The following LRRC7 variants were observed in gnomAD, a reference collection of about 807,000 sequenced individuals.
LRRC7 encodes leucine rich repeat containing 7.
Under a neutral mutation model 175.7 loss-of-function variants are expected in LRRC7, and 23 were observed. The ratio of observed to expected loss-of-function variants is 0.13; its 90% CI spans 0.09 to 0.19. The LOEUF is 0.19. Ranked by LOEUF, LRRC7 falls within the 10% of genes least tolerant of loss-of-function variation. LRRC7 has a pLI of 1.00. For missense variants in LRRC7, 1,354 were observed against 1,904.7 expected, an observed-to-expected ratio of 0.71 and a Z score of 5.38; for synonymous variants, 685 against 680.9, an observed-to-expected ratio of 1.01 and a Z score of -0.09.
At chr1:69,671,918 G>C (rs1659134612) in intron 1 of LRRC7, among the ~76,000 whole-genome samples, 1 of 152,134 alleles carries the variant, frequency 6.6e-6, no homozygotes, top group Non-Finnish European at 1.5e-5. Context: ...ACTCTTTCCT[G>C]CCCTCTTCAA....
At chr1:69,658,572 C>G (rs770259943) in intron 1 of LRRC7, among the ~76,000 whole-genome samples, 1 of 151,564 alleles carries the variant, frequency 6.6e-6, no homozygotes, top group Non-Finnish European at 1.5e-5. Context: ...GTCTTGGAGT[C>G]GGGAAATAAA....
In LRRC7 at chr1:69,730,730, A is replaced by T. The variant is rs938059274; in HGVS notation, c.101-29461A>T. The stretch of plus-strand genomic sequence containing the variant: ...CCAACTGTCCCAACCTCTGCCTATT[A>T]CCAGTTCCAAAGTAGCTTCCACATT... On this transcript the variant is annotated intron_variant, in intron 2 of 26. Coordinates refer to ENST00000651989, the MANE Select transcript of LRRC7 (RefSeq NM_001370785.2). Among the ~76,000 whole-genome samples, 11 of 152,084 alleles carry T rather than the reference A, an allele frequency of 7.2e-5. No homozygotes were observed. The East Asian group carries it at 1.2e-3, about 16-fold the overall frequency.
At chr1:69,922,964 C>G (rs1646938794) in intron 7 of LRRC7, among the ~76,000 whole-genome samples, 1 of 151,968 alleles carries the variant, frequency 6.6e-6, no homozygotes, top group African/African-American at 2.4e-5. Flanking sequence ...CTATCCCTCC[C>G]CCCTCCTGCC....
intron 23 of LRRC7, among the ~76,000 whole-genome samples, chr1:70,056,970 G>A (rs1447707371): frequency 1.3e-5 from 2 of 152,068 alleles, no homozygotes; most frequent in Admixed American, 6.5e-5. Flanking sequence ...GGTCATTGGT[G>A]ATCTCAGCAA....
chr1:69,569,380 G>T (rs1031186527), intron 1 of LRRC7, among the ~76,000 whole-genome samples: 3 of 152,048 alleles, frequency 2.0e-5, no homozygotes, highest in African/African-American at 7.2e-5. Context: ...TGGTGAACCT[G>T]CCTATTCCCA....
At position 70,011,801 on chromosome 1, in the gene LRRC7, T is replaced by A. The variant is rs1422938120; in HGVS notation, c.1009T>A (p.Ser337Thr). The A allele has an allele frequency of 6.4e-7, 1 of 1,561,640 alleles. No homozygotes were observed. Among genetic ancestry groups the A allele is most frequent in the South Asian group, 1.1e-5 (1 of 89,568 alleles). ...TMLPNTIGNL[S>T]LLEEFDCSCN... ...CTAATGTATTTAACTTTTCAGTTTATCTTTATTAGAAGAATTTGACTGTAG... is the reference window on the plus strand; with the variant it reads ...CTAATGTATTTAACTTTTCAGTTTAACTTTATTAGAAGAATTTGACTGTAG... Residue 337 changes from serine (S) to threonine (T), a missense_variant, in exon 12 of 27, where the codon TCT (serine) becomes ACT (threonine). Physicochemically the swap from Ser to Thr is moderately conservative, Grantham distance 58 (BLOSUM62 1). Coordinates refer to ENST00000651989, the MANE Select transcript of LRRC7 (RefSeq NM_001370785.2).
intron 3 of LRRC7, among the ~76,000 whole-genome samples, chr1:69,762,461 T>C (rs1466931595): frequency 6.6e-6 from 1 of 151,936 alleles, no homozygotes; most frequent in Non-Finnish European, 1.5e-5. Context: ...AGAGCTCCAT[T>C]TTTGGAGAAG....
At position 69,736,296 on chromosome 1, in the gene LRRC7, G is replaced by A. The variant is rs1668110564; in HGVS notation, c.101-23895G>A. ...ATTATTGATTTATTCAGTAAACTAA[G>A]TAGGTTTAAAATTTTAACATTTGCT... On this transcript the variant is annotated intron_variant, in intron 2 of 26. Transcript: ENST00000651989. 2.0e-5 allele frequency among the ~76,000 whole-genome samples: 3 copies of A among 152,204 alleles called. No individual in the cohort carries two copies. The South Asian group carries it at 6.2e-4, about 32-fold the overall frequency.
At chr1:69,598,224 G>A (rs1460382159) in intron 1 of LRRC7, among the ~76,000 whole-genome samples, 1 of 152,072 alleles carries the variant, frequency 6.6e-6, no homozygotes, top group East Asian at 1.9e-4. Flanking sequence ...ATTTACCTAT[G>A]TCCCTGAGAC....
intron 17 of LRRC7, among the ~76,000 whole-genome samples, chr1:70,025,441 T>C (rs1657987281): frequency 6.6e-6 from 1 of 151,960 alleles, no homozygotes; most frequent in Non-Finnish European, 1.5e-5. Context: ...GTTACAGATA[T>C]TATGTTTAGA....
chr1:69,808,550 A>T (rs891473998), intron 4 of LRRC7, among the ~76,000 whole-genome samples: 1 of 152,182 alleles, frequency 6.6e-6, no homozygotes, highest in African/African-American at 2.4e-5. Context: ...AATGGAAATC[A>T]TAACAAACAG....
chr1:69,587,599 C>T (rs563830084), intron 1 of LRRC7, among the ~76,000 whole-genome samples: 4 of 152,276 alleles, frequency 2.6e-5, no homozygotes, highest in South Asian at 2.1e-4. Context: ...GACCACATCT[C>T]GTCTCAAATT....
At chr1:69,731,185 C>T (rs1667540535) in intron 2 of LRRC7, among the ~76,000 whole-genome samples, 1 of 151,920 alleles carries the variant, frequency 6.6e-6, no homozygotes, top group Non-Finnish European at 1.5e-5. Context: ...GTCTGTAGTC[C>T]CAGCTACTCG....
intron 2 of LRRC7, among the ~76,000 whole-genome samples, chr1:69,716,409 T>G (rs1309901227): frequency 6.6e-6 from 1 of 151,886 alleles, no homozygotes; most frequent in East Asian, 1.9e-4. Flanking sequence ...AAACTCATTT[T>G]CTGTCAGTAA....
chr1:69,860,488 G>A (rs999066645), intron 7 of LRRC7, among the ~76,000 whole-genome samples: 5 of 152,040 alleles, frequency 3.3e-5, no homozygotes, highest in South Asian at 4.1e-4. Flanking sequence ...TAGAAATAAC[G>A]ATGAGTGACA....
intron 1 of LRRC7, among the ~76,000 whole-genome samples, chr1:69,597,252 G>C (rs1224208499): frequency 2.0e-5 from 3 of 152,012 alleles, no homozygotes; most frequent in African/African-American, 7.2e-5. Flanking sequence ...AAAAGACAGG[G>C]GTTAGATAGA....
intron 7 of LRRC7, among the ~76,000 whole-genome samples, chr1:69,842,900 T>G (rs528056103): frequency 1.3e-5 from 2 of 152,184 alleles, no homozygotes; most frequent in East Asian, 3.9e-4. Flanking sequence ...ATAAGCCACA[T>G]CAAAATACCT....
chr1:69,964,151 T>C (rs575754019), intron 8 of LRRC7, among the ~76,000 whole-genome samples: 4 of 152,342 alleles, frequency 2.6e-5, no homozygotes, highest in African/African-American at 7.2e-5. Context: ...TGTATGACTT[T>C]GGGCACATTC....
chr1:69,583,981 G>A (rs11209495), intron 1 of LRRC7, among the ~76,000 whole-genome samples: 38,426 of 151,898 alleles, frequency 0.25, 5,422 homozygotes, highest in East Asian at 0.36. Context: ...TAAGCAAAAC[G>A]GCAGAGAAAA....
Sources: gnomAD v4.1 joint callset for allele counts (sites outside exome capture counted in the v4.1 genomes callset) on GRCh38, gnomAD v4.1.1 for gene constraint, MANE v1.5 for transcripts, NCBI Gene and HGNC (gene_info 2026-07-23, HGNC 2026-07-21) for gene names.